LPP: variants seen among roughly 807,000 people sequenced by gnomAD.
The protein encoded by LPP is lipoma-preferred partner.
Under a neutral mutation model 60.4 loss-of-function variants are expected in LPP, and 38 were observed. That is an observed-to-expected ratio of 0.63 (90% CI 0.49 to 0.83). The LOEUF (loss-of-function observed/expected upper bound fraction) is 0.83, where lower values mean the gene tolerates loss of function less well. Ranked by LOEUF, LPP falls within the 40% of genes least tolerant of loss-of-function variation. The probability of loss-of-function intolerance (pLI) is 0.00; values close to 1 mark genes in which losing one functional copy is unlikely to be tolerated. For missense variants in LPP, 902 were observed against 783.6 expected (o/e 1.15, Z -1.80); for synonymous variants, 328 against 290.8 (o/e 1.13, Z -1.30).
At chr3:188,232,440 G>C (rs1720357951) in intron 2 of LPP, among the ~76,000 whole-genome samples, 1 of 151,370 alleles carries the variant, frequency 6.6e-6, no homozygotes, top group Admixed American at 6.6e-5. Flanking sequence ...CAAGGTTCAA[G>C]CGATTCTCCT....
At position 188,550,107 on chromosome 3, in the gene LPP, G is replaced by A. The variant is rs535345553; in HGVS notation, c.429+25320G>A. ...GAGGATGCTGTTTTTGTATTAATGCGACCAAAATATTTCAAAGCCAATCTT... is the reference window on the plus strand; with the variant it reads ...GAGGATGCTGTTTTTGTATTAATGCAACCAAAATATTTCAAAGCCAATCTT... On this transcript the variant is annotated intron_variant, in intron 6 of 11. Coordinates refer to ENST00000617246, the MANE Select transcript of LPP (RefSeq NM_001375462.1). Among the ~76,000 whole-genome samples the A allele has an allele frequency of 2.8e-3, 424 of 152,168 alleles. 2 individuals are homozygous for A. The highest frequency in any genetic ancestry group is 6.8e-3 in the Middle Eastern group (2 of 292).
chr3:188,235,889 T>C (rs1721723530), intron 2 of LPP, among the ~76,000 whole-genome samples: 1 of 152,134 alleles, frequency 6.6e-6, no homozygotes, highest in Non-Finnish European at 1.5e-5. Flanking sequence ...AAGCCTGTTT[T>C]CACAATCTTT....
intron 9 of LPP, among the ~76,000 whole-genome samples, chr3:188,848,194 A>T (rs911869588): frequency 6.6e-6 from 1 of 152,202 alleles, no homozygotes; most frequent in African/African-American, 2.4e-5. Flanking sequence ...TTATGTATGT[A>T]CCCATTGTGG....
intron 2 of LPP, among the ~76,000 whole-genome samples, chr3:188,298,097 C>T (rs1372396741): frequency 6.6e-6 from 1 of 152,158 alleles, no homozygotes; most frequent in Non-Finnish European, 1.5e-5. Flanking sequence ...TGGTTGATAG[C>T]CTTCCTGAAA....
chr3:188,569,331 T>G (rs888236971), intron 6 of LPP, among the ~76,000 whole-genome samples: 8 of 151,460 alleles, frequency 5.3e-5, no homozygotes, highest in Admixed American at 5.3e-4. Context: ...GAGGAAAAAA[T>G]GAGAAGCATG....
chr3:188,568,275 C>A (rs1832677586), intron 6 of LPP: 1 of 151,920 alleles, frequency 6.6e-6, no homozygotes. Flanking sequence ...CATGTAAGAC[C>A]TCTGTCCAGC....
At chr3:188,448,665 T>C (rs1360795754) in intron 4 of LPP, among the ~76,000 whole-genome samples, 2 of 152,126 alleles carry the variant, frequency 1.3e-5, no homozygotes, top group African/African-American at 2.4e-5. Context: ...ATCTCACCTC[T>C]GGAAATTTGT....
intron 7 of LPP, among the ~76,000 whole-genome samples, chr3:188,638,895 G>C (rs893101618): frequency 1.3e-5 from 2 of 152,100 alleles, no homozygotes; most frequent in Non-Finnish European, 2.9e-5. Context: ...AACATTCCAT[G>C]CTCATGGATA....
At chr3:188,594,246 T>A (rs192383773) in intron 6 of LPP, among the ~76,000 whole-genome samples, 6 of 152,278 alleles carry the variant, frequency 3.9e-5, no homozygotes, top group African/African-American at 1.4e-4. Flanking sequence ...GTATAAAGAA[T>A]TATTTTTACC....
chr3:188,546,494 T>A (rs1291764860), intron 6 of LPP, among the ~76,000 whole-genome samples: 1 of 152,116 alleles, frequency 6.6e-6, no homozygotes, highest in East Asian at 1.9e-4. Context: ...CTAGGAGATC[T>A]CAAGAAAAGA....
In LPP at chr3:188,728,519, T is replaced by C. The variant is rs77360298; in HGVS notation, c.1240+20126T>C. Among the ~76,000 whole-genome samples the C allele has an allele frequency of 4.9e-3, 749 of 152,342 alleles. 9 individuals are homozygous for C. Among genetic ancestry groups the C allele is most frequent in the African/African-American group, 0.017 (718 of 41,588 alleles). ...TACAACAAACCAGTTGACCAAGAGA[T>C]AATAAGCTTATTATATTATGCAGAT... On this transcript the variant is annotated intron_variant, in intron 8 of 11. Coordinates refer to ENST00000617246, the MANE Select transcript of LPP (RefSeq NM_001375462.1).
At chr3:188,821,104 C>T (rs1024612499) in intron 9 of LPP, among the ~76,000 whole-genome samples, 2 of 151,450 alleles carry the variant, frequency 1.3e-5, no homozygotes, top group East Asian at 3.9e-4. Flanking sequence ...TCTTCCATTC[C>T]TCTCTGTAGC....
chr3:188,243,152 C>T (rs75269507), intron 2 of LPP, among the ~76,000 whole-genome samples: 1,804 of 152,098 alleles, frequency 0.012, 28 homozygotes, highest in African/African-American at 0.041. Context: ...TAAGAAATGC[C>T]ACAGTGACAG....
chr3:188,670,107 T>C (rs1856669071), intron 7 of LPP, among the ~76,000 whole-genome samples: 1 of 151,652 alleles, frequency 6.6e-6, no homozygotes, highest in South Asian at 2.1e-4. Context: ...CTGTTGGGGG[T>C]TGGGGAGAGG....
At chr3:188,733,317 G>GTA (rs1491033785) in intron 8 of LPP, among the ~76,000 whole-genome samples, 1 of 146,004 alleles carries the variant, frequency 6.8e-6, no homozygotes, top group Non-Finnish European at 1.5e-5. Flanking sequence ...GTGTGTGTGT[G>GTA]TACATTTATA....
intron 9 of LPP, among the ~76,000 whole-genome samples, chr3:188,794,995 C>T (rs1283016406): frequency 1.3e-5 from 2 of 152,066 alleles, no homozygotes; most frequent in African/African-American, 2.4e-5. Context: ...ATTAGCTGGA[C>T]GTTGTGGTGT....
At chr3:188,515,542 T>C (rs1184553280) in intron 5 of LPP, among the ~76,000 whole-genome samples, 1 of 152,230 alleles carries the variant, frequency 6.6e-6, no homozygotes. Flanking sequence ...TCTTGTCTTC[T>C]GTTGTTACCT....
chr3:188,462,233 T>G (rs745803179), intron 4 of LPP, among the ~76,000 whole-genome samples: 14 of 151,032 alleles, frequency 9.3e-5, no homozygotes, highest in Non-Finnish European at 1.6e-4. Context: ...AAAATAGACA[T>G]TATTATTATT....
chr3:188,861,907 C>G (rs1309458126), intron 9 of LPP, among the ~76,000 whole-genome samples: 1 of 152,068 alleles, frequency 6.6e-6, no homozygotes, highest in African/African-American at 2.4e-5. Context: ...TTCATTTTAA[C>G]CATACTTTCA....
Sources: gnomAD v4.1 joint callset for allele counts (sites outside exome capture counted in the v4.1 genomes callset) on GRCh38, gnomAD v4.1.1 for gene constraint, MANE v1.5 for transcripts, NCBI Gene and HGNC (gene_info 2026-07-23, HGNC 2026-07-21) for gene names.